Variants in ADGRB3 observed in about 807,000 individuals in gnomAD.
The protein encoded by ADGRB3 is adhesion G protein-coupled receptor B3.
A neutral mutation model predicts 193.4 loss-of-function variants in ADGRB3; 37 were observed. That is an observed-to-expected ratio of 0.19 (90% CI 0.15 to 0.25). The LOEUF is 0.25. ADGRB3 is among the 10% of genes least tolerant of loss of function. ADGRB3 has a pLI of 1.00. For missense variants in ADGRB3, 1,637 were observed against 1,852.9 expected, an observed-to-expected ratio of 0.88 and a Z score of 2.14; for synonymous variants, 690 against 644.2, an observed-to-expected ratio of 1.07 and a Z score of -1.08.
chr6:69,059,135 T>G (rs1771639478), intron 15 of ADGRB3, among the ~76,000 whole-genome samples: 1 of 152,166 alleles, frequency 6.6e-6, no homozygotes, highest in Non-Finnish European at 1.5e-5. Flanking sequence ...GTTTGGGTGC[T>G]ATGACATTAG....
intron 11 of ADGRB3, among the ~76,000 whole-genome samples, chr6:69,001,427 A>T (rs1562117144): frequency 6.6e-6 from 1 of 152,220 alleles, no homozygotes; most frequent in Non-Finnish European, 1.5e-5. Flanking sequence ...CTATAAACAG[A>T]TTTACTAAAT....
chr6:69,076,146 C>A, intron 17 of ADGRB3, 108 bp downstream of exon 17: 1 of 899,704 alleles, frequency 1.1e-6, no homozygotes, highest in Non-Finnish European at 1.7e-6. Flanking sequence ...TGGGATGTTG[C>A]ATTCAGAGAA....
intron 3 of ADGRB3, among the ~76,000 whole-genome samples, chr6:68,877,079 T>A (rs1765614450): frequency 1.3e-5 from 2 of 152,076 alleles, no homozygotes; most frequent in Non-Finnish European, 2.9e-5. Flanking sequence ...TTGATCCACA[T>A]ATCTCTTGAC....
chr6:69,369,722 C>A (rs747825301), intron 29 of ADGRB3, among the ~76,000 whole-genome samples: 1 of 149,878 alleles, frequency 6.7e-6, no homozygotes, highest in African/African-American at 2.5e-5. Flanking sequence ...AAAGAGAGAG[C>A]GAGTCATGTC....
At chr6:69,367,183 T>C (rs1416807474) in intron 29 of ADGRB3, among the ~76,000 whole-genome samples, 3 of 152,092 alleles carry the variant, frequency 2.0e-5, no homozygotes, top group Non-Finnish European at 4.4e-5. Flanking sequence ...GAAAAGAGTT[T>C]TGGCATATTC....
At chr6:68,940,000 AG>A (rs1252992257) in intron 5 of ADGRB3, among the ~76,000 whole-genome samples, 1 of 152,198 alleles carries the variant, frequency 6.6e-6, no homozygotes, top group Non-Finnish European at 1.5e-5. Context: ...TCTAATCAAT[AG>A]TGTTATAAAT....
At chr6:68,850,562 A>C (rs13208283) in intron 3 of ADGRB3, among the ~76,000 whole-genome samples, 6,667 of 141,708 alleles carry the variant, frequency 0.047, 186 homozygotes, top group Middle Eastern at 0.12. Flanking sequence ...GACTATGTCA[A>C]GTTTACTTGA....
intron 24 of ADGRB3, 80 bp downstream of exon 24, chr6:69,333,088 T>C: frequency 6.8e-7 from 1 of 1,463,270 alleles, no homozygotes. Flanking sequence ...CTGACTGCGT[T>C]TGACTCTGCC....
At chr6:69,049,644 G>A (rs1257780910) in intron 15 of ADGRB3, among the ~76,000 whole-genome samples, 1 of 152,090 alleles carries the variant, frequency 6.6e-6, no homozygotes, top group Non-Finnish European at 1.5e-5. Flanking sequence ...GTCTATAATA[G>A]AATGGGTCAT....
Position 68,639,389 on chromosome 6 carries a change from A to C in ADGRB3, c.714A>C (p.Gln238His), listed in dbSNP as rs776675554. Residue 238 changes from glutamine to histidine, a missense_variant, in exon 3 of 32, where the codon CAA becomes CAC. Transcript: ENST00000370598. ...GCLTQELQTT[Q>H]VCNLTREAKR... ...TGACCCAGGAGCTGCAAACCACCCA[A>C]GTCTGCAATCTTACCAGGGAGGCCA... is the stretch of plus-strand genomic sequence containing the variant. 1 of 1,613,542 alleles carries C rather than the reference A, an allele frequency of 6.2e-7. No individual in the cohort carries two copies. Among genetic ancestry groups the C allele is most frequent in the Non-Finnish European group, 8.5e-7 (1 of 1,179,788 alleles).
chr6:68,921,462 T>G (rs1767041705), intron 3 of ADGRB3, among the ~76,000 whole-genome samples: 1 of 152,188 alleles, frequency 6.6e-6, no homozygotes, highest in Admixed American at 6.5e-5. Flanking sequence ...AGAGTTAACG[T>G]CTGCCCTGCC....
At chr6:69,211,495 T>C (rs1350514814) in intron 17 of ADGRB3, among the ~76,000 whole-genome samples, 1 of 152,142 alleles carries the variant, frequency 6.6e-6, no homozygotes, top group East Asian at 1.9e-4. Context: ...GTTCCTGTAT[T>C]ATAATATTTA....
chr6:69,043,619 C>A (rs1771151650), intron 13 of ADGRB3, among the ~76,000 whole-genome samples: 1 of 152,168 alleles, frequency 6.6e-6, no homozygotes, highest in Non-Finnish European at 1.5e-5. Flanking sequence ...TAATAATAGA[C>A]AACAGTGACA....
At position 69,249,231 on chromosome 6, in the gene ADGRB3, G is replaced by A. The variant is rs148675005; in HGVS notation, c.2814+10005G>A. Among the ~76,000 whole-genome samples the A allele has an allele frequency of 4.8e-3, 725 of 152,152 alleles. 4 individuals carry two copies. The highest frequency in any genetic ancestry group is 7.4e-3 in the Non-Finnish European group (506 of 67,996). ...GACCTCGTGTTCTGCCTGCCTTGGC[G>A]TCCCAAAGTGCCAGGATTACAGGCA... On this transcript the variant is annotated intron_variant, in intron 20 of 31. Transcript: ENST00000370598.
At chr6:69,045,535 A>G (rs952183728) in intron 13 of ADGRB3, among the ~76,000 whole-genome samples, 1 of 152,240 alleles carries the variant, frequency 6.6e-6, no homozygotes, top group Middle Eastern at 3.4e-3. Context: ...AAAAAATGAA[A>G]AGTATGTGAG....
At chr6:69,021,613 G>T (rs923211415) in intron 13 of ADGRB3, among the ~76,000 whole-genome samples, 1 of 151,798 alleles carries the variant, frequency 6.6e-6, no homozygotes, top group African/African-American at 2.4e-5. Context: ...GACACCTCAT[G>T]TCTCACCTTT....
intron 11 of ADGRB3, among the ~76,000 whole-genome samples, chr6:69,008,798 A>G (rs1278619221): frequency 6.6e-6 from 1 of 152,132 alleles, no homozygotes; most frequent in Non-Finnish European, 1.5e-5. Flanking sequence ...AAAAGTATGT[A>G]TTTGTGCTCA....
chr6:68,980,601 C>G (rs917105039), intron 10 of ADGRB3, among the ~76,000 whole-genome samples: 1 of 151,476 alleles, frequency 6.6e-6, no homozygotes, highest in Non-Finnish European at 1.5e-5. Context: ...TCATAGGTCT[C>G]GTTTACAACA....
At chr6:68,983,306 G>C (rs1301026621) in intron 10 of ADGRB3, among the ~76,000 whole-genome samples, 1 of 151,658 alleles carries the variant, frequency 6.6e-6, no homozygotes, top group Non-Finnish European at 1.5e-5. Flanking sequence ...TATGCCTTTA[G>C]TGTGGCTTGG....
Sources: gnomAD v4.1 joint callset for allele counts (sites outside exome capture counted in the v4.1 genomes callset) on GRCh38, gnomAD v4.1.1 for gene constraint, MANE v1.5 for transcripts, NCBI Gene and HGNC (gene_info 2026-07-23, HGNC 2026-07-21) for gene names.